ATF7IP: variants seen among roughly 807,000 people sequenced by gnomAD.
The protein encoded by ATF7IP is activating transcription factor 7-interacting protein 1.
ATF7IP carries 23 observed loss-of-function variants against 106.4 expected under a neutral mutation model. The ratio of observed to expected loss-of-function variants is 0.22; its 90% CI spans 0.16 to 0.31. The LOEUF (loss-of-function observed/expected upper bound fraction) is 0.31, where lower values mean the gene tolerates loss of function less well. Among genes scored for constraint, ATF7IP ranks in the 10% least tolerant of loss-of-function variants. ATF7IP has a pLI of 1.00. For missense variants in ATF7IP, 1,334 were observed against 1,524.3 expected, an observed-to-expected ratio of 0.88 and a Z score of 2.08; for synonymous variants, 542 against 539.0, an observed-to-expected ratio of 1.01 and a Z score of -0.08.
chr12:14,384,202 A>G (rs1217409443), intron 1 of ATF7IP, among the ~76,000 whole-genome samples: 2 of 152,136 alleles, frequency 1.3e-5, no homozygotes, highest in Non-Finnish European at 2.9e-5. Context: ...TTTAGTAAAT[A>G]CCTATATTTA....
intron 1 of ATF7IP, among the ~76,000 whole-genome samples, chr12:14,394,169 T>C (rs1364712012): frequency 2.0e-5 from 3 of 152,200 alleles, no homozygotes; most frequent in African/African-American, 7.2e-5. Context: ...TACTTAATAA[T>C]GTTTACTATT....
chr12:14,440,692 A>G (rs564223702), intron 5 of ATF7IP, among the ~76,000 whole-genome samples: 3 of 152,368 alleles, frequency 2.0e-5, no homozygotes, highest in South Asian at 2.1e-4. Context: ...ACAATTTTAT[A>G]CAACCACAAT....
chr12:14,482,093 T>G (rs1944449877), intron 13 of ATF7IP: 5 of 152,264 alleles, frequency 3.3e-5, no homozygotes, highest in Admixed American at 2.6e-4. Context: ...GAACTCTTCA[T>G]CAGGTTAAGA....
intron 1 of ATF7IP, among the ~76,000 whole-genome samples, chr12:14,411,071 T>C (rs992920598): frequency 1.3e-5 from 2 of 152,226 alleles, no homozygotes; most frequent in African/African-American, 2.4e-5. Context: ...CCATTATGCG[T>C]AGTGCTTCTA....
chr12:14,476,624 C>T (rs1354876314), intron 11 of ATF7IP, among the ~76,000 whole-genome samples: 2 of 152,008 alleles, frequency 1.3e-5, no homozygotes, highest in African/African-American at 2.4e-5. Context: ...AATTCAGACT[C>T]AGTAAGGGTC....
chr12:14,404,861 A>G (rs988729465), intron 1 of ATF7IP, among the ~76,000 whole-genome samples: 3 of 152,150 alleles, frequency 2.0e-5, no homozygotes, highest in Non-Finnish European at 4.4e-5. Flanking sequence ...GGAGGTTAAG[A>G]GAGTTTCCAA....
At chr12:14,495,348 T>C (rs1030191145) in intron 13 of ATF7IP, among the ~76,000 whole-genome samples, 4 of 152,230 alleles carry the variant, frequency 2.6e-5, no homozygotes, top group African/African-American at 7.2e-5. Flanking sequence ...AGGGAAAATA[T>C]AGCTATTTAA....
intron 1 of ATF7IP, among the ~76,000 whole-genome samples, chr12:14,408,033 C>T (rs1048657655): frequency 2.0e-5 from 3 of 151,780 alleles, no homozygotes; most frequent in African/African-American, 4.8e-5. Context: ...TTTAGAGAAA[C>T]TTTAATGTAT....
chr12:14,487,124 C>CA (rs1565554158), intron 13 of ATF7IP, among the ~76,000 whole-genome samples: 5 of 104,516 alleles, frequency 4.8e-5, no homozygotes, highest in African/African-American at 2.2e-4. Flanking sequence ...TCTATTAGAA[C>CA]CTTTTTTTTT....
At chr12:14,425,617 C>A in intron 2 of ATF7IP, 144 bp downstream of exon 2, 1 of 798,886 alleles carries the variant, frequency 1.3e-6, no homozygotes, top group Non-Finnish European at 1.8e-6. Context: ...GTCTTAACTT[C>A]ATAGAATTCA....
chr12:14,497,070 A>C (rs1357958037), intron 14 of ATF7IP, among the ~76,000 whole-genome samples: 1 of 152,070 alleles, frequency 6.6e-6, no homozygotes, highest in Non-Finnish European at 1.5e-5. Context: ...CTCATGCTTT[A>C]TTTTTGGCTG....
intron 1 of ATF7IP, among the ~76,000 whole-genome samples, chr12:14,418,877 C>T (rs975878014): frequency 6.6e-6 from 1 of 151,866 alleles, no homozygotes; most frequent in African/African-American, 2.4e-5. Context: ...ATCAACTTTT[C>T]TTGAATTATA....
intron 1 of ATF7IP, among the ~76,000 whole-genome samples, chr12:14,387,153 C>T (rs75052929): frequency 0.017 from 2,561 of 152,090 alleles, 70 homozygotes; most frequent in African/African-American, 0.059. Flanking sequence ...ATAGTAGATT[C>T]TCATAATTTG....
chr12:14,385,434 C>A, intron 1 of ATF7IP: 1 of 1,522,186 alleles, frequency 6.6e-7, no homozygotes, highest in Non-Finnish European at 8.8e-7. Context: ...CTTAAACATT[C>A]TCATTTTTTT....
intron 5 of ATF7IP, among the ~76,000 whole-genome samples, chr12:14,439,832 C>T (rs1457844082): frequency 2.1e-5 from 3 of 143,240 alleles, no homozygotes; most frequent in Admixed American, 7.4e-5. Context: ...GACTCTGTCT[C>T]CAAAATAAAT....
At chr12:14,459,135 G>T (rs1234682627) in intron 8 of ATF7IP, among the ~76,000 whole-genome samples, 1 of 152,086 alleles carries the variant, frequency 6.6e-6, no homozygotes, top group Non-Finnish European at 1.5e-5. Context: ...TTTCTTTGAA[G>T]TGACTGGCTT....
chr12:14,472,671 G>A (rs1325362634), intron 10 of ATF7IP, among the ~76,000 whole-genome samples: 1 of 152,066 alleles, frequency 6.6e-6, no homozygotes, highest in African/African-American at 2.4e-5. Flanking sequence ...CCATTCACAT[G>A]CTTTTGATTT....
chr12:14,383,628 C>G (rs1939087887), intron 1 of ATF7IP, among the ~76,000 whole-genome samples: 1 of 152,168 alleles, frequency 6.6e-6, no homozygotes, highest in Non-Finnish European at 1.5e-5. Context: ...TTCAAGTTCA[C>G]TGTAGCCTTG....
At chr12:14,426,526 T>C (rs1941853347) in intron 2 of ATF7IP, among the ~76,000 whole-genome samples, 1 of 148,332 alleles carries the variant, frequency 6.7e-6, no homozygotes, top group Non-Finnish European at 1.5e-5. Flanking sequence ...TATTAAAAAA[T>C]GGCTTTTTTT....
Sources: allele counts gnomAD v4.1 joint callset (sites outside exome capture counted in the v4.1 genomes callset), GRCh38; gene constraint gnomAD v4.1.1; transcripts MANE v1.5; gene names NCBI Gene and HGNC (gene_info 2026-07-23, HGNC 2026-07-21).